Variants in R3HCC1L observed in about 807,000 individuals in gnomAD.
R3HCC1L encodes R3H domain and coiled-coil containing 1 like, also known as coiled-coil domain-containing protein R3HCC1L.
In R3HCC1L, 51 loss-of-function variants were observed where a neutral mutation model predicts 59.9. That is an observed-to-expected ratio of 0.85 (90% CI 0.68 to 1.07). The LOEUF is 1.07. Among genes scored for constraint, R3HCC1L ranks in the 50% least tolerant of loss-of-function variants. The probability of loss-of-function intolerance (pLI) is 0.00; values close to 1 mark genes in which losing one functional copy is unlikely to be tolerated. For synonymous variants in R3HCC1L, 322 were observed against 315.2 expected, an observed-to-expected ratio of 1.02 and a Z score of -0.23; for missense variants, 965 against 933.0, an observed-to-expected ratio of 1.03 and a Z score of -0.45.
At position 98,134,686 on chromosome 10, in the gene R3HCC1L, G is replaced by A. The variant is rs892203994; in HGVS notation, c.-288G>A. 3.9e-5 allele frequency: 6 copies of A among 152,308 alleles called. No individual in the cohort carries two copies. Among genetic ancestry groups the A allele is most frequent in the Non-Finnish European group, 8.8e-5 (6 of 68,102 alleles). 9.4% of individuals were successfully genotyped at this position (152,308 alleles called of 1,614,324 possible). ...ATAGAGCTTCGCGGAGACGGCGGAA[G>A]CGGAGAGCAACAGCGCGCCGGTAAC... On this transcript the variant is annotated 5_prime_UTR_variant, in exon 1 of 10. Coordinates refer to ENST00000298999, the MANE Select transcript of R3HCC1L (RefSeq NM_001351015.2).
chr10:98,221,279 G>T (rs1283289599), intron 5 of R3HCC1L, among the ~76,000 whole-genome samples: 1 of 151,398 alleles, frequency 6.6e-6, no homozygotes, highest in Non-Finnish European at 1.5e-5. Flanking sequence ...CTGGATATTA[G>T]CCCTTTGTCA....
intron 4 of R3HCC1L, among the ~76,000 whole-genome samples, chr10:98,202,782 C>T (rs1590688844): frequency 6.6e-6 from 1 of 151,178 alleles, no homozygotes; most frequent in African/African-American, 2.4e-5. Flanking sequence ...CTTGAACCTG[C>T]GAGGCGGAGG....
At chr10:98,167,049 C>T (rs1848020415) in intron 4 of R3HCC1L, among the ~76,000 whole-genome samples, 1 of 151,994 alleles carries the variant, frequency 6.6e-6, no homozygotes, top group African/African-American at 2.4e-5. Context: ...AAAAAAAATG[C>T]CATTGCCTAT....
intron 5 of R3HCC1L, among the ~76,000 whole-genome samples, chr10:98,216,860 A>G (rs1010190693): frequency 2.0e-5 from 3 of 152,162 alleles, no homozygotes; most frequent in Non-Finnish European, 4.4e-5. Flanking sequence ...GATTACAAGT[A>G]TGACTCACTA....
chr10:98,196,963 CTGG>C, intron 4 of R3HCC1L, among the ~76,000 whole-genome samples: 2 of 152,138 alleles, frequency 1.3e-5, no homozygotes, highest in Non-Finnish European at 2.9e-5. Context: ...GTCACCCAGG[CTGG>C]AGTGCAGTGG....
At chr10:98,162,460 A>AT (rs1238514570) in intron 2 of R3HCC1L, among the ~76,000 whole-genome samples, 4 of 152,154 alleles carry the variant, frequency 2.6e-5, no homozygotes, top group Non-Finnish European at 4.4e-5. Context: ...ACAGAACCTT[A>AT]TTGCTCTTTT....
Position 98,172,956 on chromosome 10 carries a change from C to A in R3HCC1L, c.-15+9559C>A, listed in dbSNP as rs143089359. Among the ~76,000 whole-genome samples, 440 of 152,242 alleles carry A rather than the reference C, an allele frequency of 2.9e-3. 4 individuals are homozygous for A. Among genetic ancestry groups the A allele is most frequent in the African/African-American group, 9.5e-3 (394 of 41,542 alleles). On this transcript the variant is annotated intron_variant, in intron 4 of 9. Coordinates refer to ENST00000298999, the MANE Select transcript of R3HCC1L (RefSeq NM_001351015.2). ...TTTTGCTTAACACTCTGGGTACTTACAGTAATTCTGTCATTGTGGTACTTA... is the reference window on the plus strand; with the variant it reads ...TTTTGCTTAACACTCTGGGTACTTAAAGTAATTCTGTCATTGTGGTACTTA...
At chr10:98,190,744 G>C (rs938892834) in intron 4 of R3HCC1L, among the ~76,000 whole-genome samples, 2 of 152,066 alleles carry the variant, frequency 1.3e-5, no homozygotes, top group African/African-American at 2.4e-5. Flanking sequence ...ATGTTGGTTT[G>C]CTTCACCCAT....
At chr10:98,142,076 G>A (rs372194237) in intron 1 of R3HCC1L, among the ~76,000 whole-genome samples, 179 of 152,282 alleles carry the variant, frequency 1.2e-3, no homozygotes, top group African/African-American at 4.0e-3. Flanking sequence ...TACTAAACTT[G>A]TAAAAACTTT....
rs554397125 is a variant in R3HCC1L, at chr10:98,231,459, T to C, written c.1786-53T>C. 395 of 1,499,734 alleles carry C rather than the reference T, an allele frequency of 2.6e-4. 1 individual carries two copies. Among genetic ancestry groups the C allele is most frequent in the Middle Eastern group, 2.1e-3 (12 of 5,786 alleles). 92.9% of individuals were successfully genotyped at this position (1,499,734 alleles called of 1,614,324 possible). A position where few individuals can be genotyped will look rare whatever the true frequency, so the allele number is the denominator to read the frequency against. On this transcript the variant is annotated intron_variant, in intron 5 of 9. Transcript: ENST00000298999. ...ATTGTTTATATATAGGAATATATTTTACAATAACCAGGTTTAATGTAACCG... is the reference window on the plus strand; with the variant it reads ...ATTGTTTATATATAGGAATATATTTCACAATAACCAGGTTTAATGTAACCG...
rs945441062 is a variant in R3HCC1L, at chr10:98,166,654, A to G, written c.-15+3257A>G. 2.0e-5 allele frequency among the ~76,000 whole-genome samples: 3 copies of G among 152,160 alleles called. No homozygotes were observed. The East Asian group carries it at 5.8e-4, about 29-fold the overall frequency. ...CTCTTTATTTGGTAGTTAGAGACATATATTCCCTTAAAACAACATTAAAAC... is the reference window on the plus strand; with the variant it reads ...CTCTTTATTTGGTAGTTAGAGACATGTATTCCCTTAAAACAACATTAAAAC... On this transcript the variant is annotated intron_variant, in intron 4 of 9. Coordinates refer to ENST00000298999, the MANE Select transcript of R3HCC1L (RefSeq NM_001351015.2).
chr10:98,187,214 T>G (rs1850307487), intron 4 of R3HCC1L, among the ~76,000 whole-genome samples: 1 of 152,116 alleles, frequency 6.6e-6, no homozygotes, highest in South Asian at 2.1e-4. Flanking sequence ...TTGATTTTTT[T>G]TTTTGAATAT....
chr10:98,235,465 T>C lies in R3HCC1L; in HGVS notation c.2073T>C (p.Ile691=). 6.2e-7 allele frequency: 1 copy of C among 1,613,792 alleles called. No individual in the cohort carries two copies. Among genetic ancestry groups the C allele is most frequent in the Non-Finnish European group, 8.5e-7 (1 of 1,179,812 alleles). ...ALGIKHTMVK[I]RPLSQATRAA... ...GTATTAAACACACCATGGTGAAGAT[T>C]CGTCCCTTGTCACAGGCCACAAGAG... is the stretch of plus-strand genomic sequence containing the variant. The change falls in exon 8 of 10, where the codon ATT becomes ATC. Residue 691 remains isoleucine, a synonymous_variant. Transcript: ENST00000298999.
chr10:98,178,312 T>TA (rs1849253509), intron 4 of R3HCC1L, among the ~76,000 whole-genome samples: 2 of 152,246 alleles, frequency 1.3e-5, no homozygotes, highest in African/African-American at 2.4e-5. Flanking sequence ...CACCCTTTAT[T>TA]AAATAGGGAA....
chr10:98,151,572 G>T (rs749323742), intron 1 of R3HCC1L, among the ~76,000 whole-genome samples: 2 of 152,008 alleles, frequency 1.3e-5, no homozygotes, highest in Admixed American at 6.6e-5. Context: ...TAATTATGTC[G>T]CATGCTAGTG....
chr10:98,170,763 G>C (rs568014231), intron 4 of R3HCC1L, among the ~76,000 whole-genome samples: 1 of 152,330 alleles, frequency 6.6e-6, no homozygotes, highest in East Asian at 1.9e-4. Flanking sequence ...TGGCATTCTT[G>C]GAAATGAAGA....
intron 1 of R3HCC1L, among the ~76,000 whole-genome samples, chr10:98,151,968 C>G (rs999940727): frequency 6.6e-6 from 1 of 152,146 alleles, no homozygotes; most frequent in Non-Finnish European, 1.5e-5. Context: ...CACGGTCTCC[C>G]TCGCCCTCTT....
intron 1 of R3HCC1L, among the ~76,000 whole-genome samples, chr10:98,138,309 G>C (rs1844792280): frequency 6.6e-6 from 1 of 152,018 alleles, no homozygotes; most frequent in Non-Finnish European, 1.5e-5. Context: ...CACCAGACTT[G>C]TATACAAAGC....
At chr10:98,141,343 T>C (rs548118148) in intron 1 of R3HCC1L, among the ~76,000 whole-genome samples, 1 of 152,336 alleles carries the variant, frequency 6.6e-6, no homozygotes, top group East Asian at 1.9e-4. Context: ...AACTGTCTTA[T>C]TTAAACAGGT....
Sources: gnomAD v4.1 joint callset for allele counts (sites outside exome capture counted in the v4.1 genomes callset) on GRCh38, gnomAD v4.1.1 for gene constraint, MANE v1.5 for transcripts, NCBI Gene and HGNC (gene_info 2026-07-23, HGNC 2026-07-21) for gene names.